The following CSTF2 variants were observed in gnomAD, a reference collection of about 807,000 sequenced individuals.
CSTF2 encodes cleavage stimulation factor subunit 2.
In CSTF2, 8 loss-of-function variants were observed where a neutral mutation model predicts 45.4. That is an observed-to-expected ratio of 0.18 (90% CI 0.10 to 0.32). The LOEUF (loss-of-function observed/expected upper bound fraction) is 0.32. Ranked by LOEUF, CSTF2 falls within the 10% of genes least tolerant of loss-of-function variation. The pLI is 1.00. For missense variants in CSTF2, 253 were observed against 477.1 expected, an observed-to-expected ratio of 0.53 and a Z score of 4.38; for synonymous variants, 155 against 158.9, an observed-to-expected ratio of 0.98 and a Z score of 0.18.
chrX:100,822,811 C>A, intron 3 of CSTF2: 1 of 117,678 alleles, frequency 8.5e-6, no homozygotes, highest in Non-Finnish European at 1.5e-5. Context: ...TCAGTTGCTC[C>A]AGCCTGGGCG....
chrX:100,821,646 A>G (rs1239445098), intron 2 of CSTF2, 41 bp downstream of exon 2: 2 of 999,832 alleles, frequency 2.0e-6, no homozygotes, highest in Non-Finnish European at 2.8e-6. Flanking sequence ...CTTCTTAAAA[A>G]TCACCACAGA....
In CSTF2 at chrX:100,837,372, G is replaced by A; in HGVS notation, c.1534G>A (p.Ala512Thr). The change falls in exon 12 of 14, where the codon GCA (alanine) becomes ACA (threonine). Residue 512 changes from alanine to threonine, a missense_variant. Physicochemically the swap from Ala to Thr is moderately conservative, Grantham distance 58. Coordinates refer to ENST00000372972, the MANE Select transcript of CSTF2 (RefSeq NM_001325.3). ...PVMQGTGMQG[A>T]SIQGGSQPGG... is the part of the protein sequence containing the mutation. The stretch of plus-strand genomic sequence containing the variant: ...CATGCAGGGAACAGGAATGCAAGGA[G>A]CAAGTATACAGGGTGGAAGCCAGCC... The A allele has an allele frequency of 8.3e-7, 1 of 1,210,290 alleles. No individual in the cohort carries two copies. Among genetic ancestry groups the A allele is most frequent in the South Asian group, 1.8e-5 (1 of 56,743 alleles).
intron 7 of CSTF2, among the ~76,000 whole-genome samples, chrX:100,827,837 A>G (rs1276913455): frequency 8.9e-6 from 1 of 112,338 alleles, no homozygotes; most frequent in African/African-American, 3.2e-5. Flanking sequence ...TGAACTCACT[A>G]TTCTGTCACT....
intron 1 of CSTF2, chrX:100,820,748 A>G: frequency 2.1e-6 from 1 of 467,788 alleles, no homozygotes; most frequent in Non-Finnish European, 4.0e-6. Context: ...CTAGAGGAGA[A>G]GGCTCACGGT....
Position 100,826,374 on chromosome X carries a change from A to G in CSTF2, c.703-260A>G, listed in dbSNP as rs566633409. On this transcript the variant is annotated intron_variant, in intron 6 of 13. Coordinates refer to ENST00000372972, the MANE Select transcript of CSTF2 (RefSeq NM_001325.3). ...GGTGTTATGTGCTGCCTTGCCACAC[A>G]GATAAGACTTGTCAATCTCTACATT... Among the ~76,000 whole-genome samples, 8 of 106,198 alleles carry G rather than the reference A, an allele frequency of 7.5e-5. No individual in the cohort carries two copies. In the South Asian group the frequency reaches 3.0e-3, roughly 40 times the overall value. 92.2% of individuals were successfully genotyped at this position (106,198 alleles called of 115,157 possible). A position where few individuals can be genotyped will look rare whatever the true frequency, so the allele number is the denominator to read the frequency against.
intron 8 of CSTF2, 139 bp downstream of exon 8, chrX:100,828,241 C>A: frequency 2.2e-6 from 1 of 464,521 alleles, no homozygotes; most frequent in Non-Finnish European, 3.5e-6. Context: ...ATTTAAAACT[C>A]AGTTCCTCAG....
chrX:100,828,026 C>G lies in CSTF2; in HGVS notation c.827-14C>G. The G allele has an allele frequency of 8.3e-7, 1 of 1,198,577 alleles. No individual in the cohort carries two copies. The highest frequency in any genetic ancestry group is 1.1e-6 in the Non-Finnish European group (1 of 887,171). On this transcript the variant is annotated splice_polypyrimidine_tract_variant and intron_variant, in intron 7 of 13. Coordinates refer to ENST00000372972, the MANE Select transcript of CSTF2 (RefSeq NM_001325.3). ...CTAATTGGTGTTTTTTCTTGTCTGC[C>G]CTTTATCTTCTAGGAGGAATGCAGG...
intron 13 of CSTF2, 52 bp downstream of exon 13, chrX:100,838,416 G>A: frequency 9.2e-7 from 1 of 1,084,071 alleles, no homozygotes; most frequent in East Asian, 3.2e-5. Context: ...GTCTATTCTG[G>A]GTATATACTT....
chrX:100,835,296 G>C (rs1404552993), intron 11 of CSTF2, among the ~76,000 whole-genome samples: 2 of 102,698 alleles, frequency 1.9e-5, no homozygotes, highest in African/African-American at 7.2e-5. Flanking sequence ...AAAAAAGCCA[G>C]GGTAGAATCC....
At chrX:100,832,337 G>A (rs1162576993) in intron 9 of CSTF2, among the ~76,000 whole-genome samples, 1 of 112,367 alleles carries the variant, frequency 8.9e-6, no homozygotes, top group Non-Finnish European at 1.9e-5. Context: ...ACAAGATCCT[G>A]TGAGATGGAT....
intron 9 of CSTF2, 43 bp from the exon 10 acceptor site, chrX:100,832,691 G>T: frequency 8.8e-7 from 1 of 1,142,340 alleles, no homozygotes; most frequent in Non-Finnish European, 1.2e-6. Context: ...CTTTGTTGTT[G>T]TTTTGTTCTA....
chrX:100,838,608 A>G (rs1468544604), intron 13 of CSTF2, among the ~76,000 whole-genome samples: 1 of 111,816 alleles, frequency 8.9e-6, no homozygotes, highest in Non-Finnish European at 1.9e-5. Context: ...AGTTTAACAA[A>G]AGTAATCATA....
chrX:100,836,427 G>C (rs758734089), intron 11 of CSTF2, among the ~76,000 whole-genome samples: 38 of 111,970 alleles, frequency 3.4e-4, no homozygotes, highest in African/African-American at 1.2e-3. Flanking sequence ...AGTGGTATCT[G>C]CTCCTAACAG....
At chrX:100,822,513 A>G in intron 3 of CSTF2, 93 bp downstream of exon 3, 1 of 915,509 alleles carries the variant, frequency 1.1e-6, no homozygotes, top group Admixed American at 2.6e-5. Context: ...ATATGCTGAA[A>G]TGGTTAGCCA....
In CSTF2 at chrX:100,832,896, C is replaced by T; in HGVS notation, c.1194C>T (p.Pro398=). The change falls in exon 10 of 14, where the codon CCC becomes CCT. Residue 398 remains proline (P), a synonymous_variant. Transcript: ENST00000372972. ...RGPMLDQRGP[P]LDGRGGRDPR... ...CCATGCTAGATCAGAGGGGTCCACC[C>T]TTGGATGGCAGAGGTAAGGGGAGAT... 1 of 1,201,959 alleles carries T rather than the reference C, an allele frequency of 8.3e-7. No individual in the cohort carries two copies. Among genetic ancestry groups the T allele is most frequent in the Admixed American group, 2.2e-5 (1 of 45,026 alleles).
Position 100,822,347 on chromosome X carries a change from T to C in CSTF2, c.234T>C (p.Asn78=), listed in dbSNP as rs1602364839. ...CACTTAGTGCCATGCGGAACCTGAA[T>C]GGGCGCGAATTCAGTGGGAGAGCAC... ...ETALSAMRNL[N]GREFSGRALR... is the part of the protein sequence containing the mutation. The change falls in exon 3 of 14, where the codon AAT becomes AAC. Residue 78 remains asparagine, a synonymous_variant. Coordinates refer to ENST00000372972, the MANE Select transcript of CSTF2 (RefSeq NM_001325.3). The C allele has an allele frequency of 2.5e-6, 3 of 1,210,925 alleles. No individual in the cohort carries two copies. The highest frequency in any genetic ancestry group is 1.1e-6 in the Non-Finnish European group (1 of 895,061).
intron 8 of CSTF2, among the ~76,000 whole-genome samples, chrX:100,830,050 T>G (rs1265479698): frequency 1.8e-5 from 2 of 112,003 alleles, no homozygotes; most frequent in Non-Finnish European, 3.8e-5. Context: ...CTAGTTTGTC[T>G]TACTTTTCCT....
intron 11 of CSTF2, 112 bp from the exon 12 acceptor site, chrX:100,837,227 C>CT (rs1383267591): frequency 9.4e-6 from 4 of 426,492 alleles, no homozygotes; most frequent in African/African-American, 2.6e-5. Flanking sequence ...CATTGATTTG[C>CT]TTTTTTTACT....
At chrX:100,824,087 G>T (rs1454930006) in intron 5 of CSTF2, 33 bp from the exon 6 acceptor site, 2 of 1,208,270 alleles carry the variant, frequency 1.7e-6, no homozygotes, top group Non-Finnish European at 2.2e-6. Flanking sequence ...TTGTTAAACA[G>T]ACAGCTCATA....
Sources: gnomAD v4.1 joint callset for allele counts (sites outside exome capture counted in the v4.1 genomes callset) on GRCh38, gnomAD v4.1.1 for gene constraint, MANE v1.5 for transcripts, NCBI Gene and HGNC (gene_info 2026-07-23, HGNC 2026-07-21) for gene names.